Variants in CNGA1 observed in about 807,000 individuals in gnomAD.
CNGA1 encodes cyclic nucleotide gated channel subunit alpha 1.
CNGA1 carries 53 observed loss-of-function variants against 69.7 expected under a neutral mutation model. The ratio of observed to expected loss-of-function variants is 0.76; its 90% CI spans 0.61 to 0.96. The LOEUF (loss-of-function observed/expected upper bound fraction) is 0.96, where lower values mean the gene tolerates loss of function less well. CNGA1 is among the 40% of genes least tolerant of loss of function. CNGA1 has a pLI of 0.00. For missense variants in CNGA1, 739 were observed against 811.2 expected, an observed-to-expected ratio of 0.91 and a Z score of 1.08; for synonymous variants, 249 against 283.5, an observed-to-expected ratio of 0.88 and a Z score of 1.22.
intron 3 of CNGA1, among the ~76,000 whole-genome samples, chr4:47,975,076 A>C (rs1578102461): frequency 2.0e-5 from 3 of 152,360 alleles, no homozygotes; most frequent in East Asian, 3.9e-4. Context: ...GTTCAGAAAG[A>C]GAGAACCATC....
At chr4:48,009,464 CAAAAAAAA>C in intron 2 of CNGA1, among the ~76,000 whole-genome samples, 1 of 102,348 alleles carries the variant, frequency 9.8e-6, no homozygotes, top group South Asian at 3.4e-4. Context: ...GAGTCTGTCT[CAAAAAAAA>C]AAAAAAAAAG....
In CNGA1 at chr4:47,938,549, C is replaced by T. The variant is rs576116084; in HGVS notation, c.653-720G>A. 7.2e-5 allele frequency among the ~76,000 whole-genome samples: 11 copies of T among 152,146 alleles called. 1 individual carries two copies. Among genetic ancestry groups the T allele is most frequent in the African/African-American group, 2.4e-4 (10 of 41,528 alleles). On this transcript the variant is annotated intron_variant, in intron 10 of 10. Transcript: ENST00000514170. ...CTAGGACTACAGGCACGTGCCACCACGCCCAGCTAATTTTTGTATTTTTAG... is the reference window on the plus strand; with the variant it reads ...CTAGGACTACAGGCACGTGCCACCATGCCCAGCTAATTTTTGTATTTTTAG...
At chr4:48,002,368 C>T (rs752772302) in intron 2 of CNGA1, among the ~76,000 whole-genome samples, 4 of 152,114 alleles carry the variant, frequency 2.6e-5, no homozygotes, top group Non-Finnish European at 4.4e-5. Context: ...TTGCAAAAAG[C>T]CTCAAGCCCC....
intron 3 of CNGA1, among the ~76,000 whole-genome samples, chr4:47,977,320 G>C (rs1049707021): frequency 2.0e-5 from 3 of 152,138 alleles, no homozygotes; most frequent in Admixed American, 6.5e-5. Context: ...GACTATGGGA[G>C]GACAGAGCGA....
Position 47,936,544 on chromosome 4 carries a change from G to A in CNGA1, c.1938C>T (p.Ser646=), listed in dbSNP as rs1738650915. 1 of 1,614,016 alleles carries A rather than the reference G, an allele frequency of 6.2e-7. No homozygotes were observed. The change falls in exon 11 of 11, where the codon TCC becomes TCT. Residue 646 remains serine (S), a synonymous_variant. Coordinates refer to ENST00000514170, the MANE Select transcript of CNGA1 (RefSeq NM_001379270.1). ...ATCTTTGTTTCAGTTTCTGCTGCAT[G>A]GACTCATACTCAGCCAAGATTCGGG... ...RFARILAEYE[S]MQQKLKQRLT... is the part of the protein sequence containing the mutation.
chr4:48,014,799 G>C (rs1424492616), intron 1 of CNGA1, among the ~76,000 whole-genome samples: 2 of 152,174 alleles, frequency 1.3e-5, no homozygotes, highest in African/African-American at 4.8e-5. Flanking sequence ...AAGCACCATA[G>C]ATCACGTTTA....
intron 1 of CNGA1, among the ~76,000 whole-genome samples, chr4:48,011,846 C>T (rs956741791): frequency 6.6e-5 from 10 of 152,048 alleles, no homozygotes; most frequent in South Asian, 2.1e-4. Context: ...AGGGAATGTT[C>T]GGATTAAGAT....
chr4:47,961,292 A>G (rs79383684), intron 3 of CNGA1, among the ~76,000 whole-genome samples: 1,597 of 152,312 alleles, frequency 0.01, 27 homozygotes, highest in Non-Finnish European at 0.015. Context: ...CCTTCCATCA[A>G]GAAACACAGG....
At chr4:47,982,676 C>T (rs369528124) in intron 2 of CNGA1, among the ~76,000 whole-genome samples, 4 of 151,910 alleles carry the variant, frequency 2.6e-5, no homozygotes, top group African/African-American at 7.3e-5. Context: ...ATATTTATAT[C>T]GCTAAATATC....
intron 2 of CNGA1, among the ~76,000 whole-genome samples, chr4:48,007,543 C>T (rs775912462): frequency 1.1e-4 from 16 of 152,140 alleles, no homozygotes; most frequent in African/African-American, 2.9e-4. Flanking sequence ...TAATTGCTGT[C>T]GGTGTTTTAA....
At chr4:47,970,875 G>T (rs1560297939) in intron 3 of CNGA1, 2 of 453,514 alleles carry the variant, frequency 4.4e-6, no homozygotes, top group Non-Finnish European at 8.8e-6. Flanking sequence ...ACAGTATGAG[G>T]CCAAGTGTGG....
At chr4:47,971,766 C>T (rs1463057139) in intron 3 of CNGA1, among the ~76,000 whole-genome samples, 7 of 152,040 alleles carry the variant, frequency 4.6e-5, no homozygotes, top group Admixed American at 1.3e-4. Flanking sequence ...TGGTGGCATG[C>T]GCCTGTAGTC....
chr4:47,952,776 C>G, intron 3 of CNGA1, 73 bp from the exon 4 acceptor site: 1 of 1,175,542 alleles, frequency 8.5e-7, no homozygotes, highest in Non-Finnish European at 1.2e-6. Context: ...AAGTTTCACC[C>G]TATGTATTAG....
At chr4:47,962,107 AGGCCAAGGCGGGT>A (rs1740472936) in intron 3 of CNGA1, among the ~76,000 whole-genome samples, 1 of 152,164 alleles carries the variant, frequency 6.6e-6, no homozygotes, top group South Asian at 2.1e-4. Context: ...GAACTTTGGG[AGGCCAAGGCGGGT>A]GGATCACGAG....
At chr4:47,950,287 G>C (rs1739662965) in intron 5 of CNGA1, among the ~76,000 whole-genome samples, 1 of 152,118 alleles carries the variant, frequency 6.6e-6, no homozygotes, top group Admixed American at 6.5e-5. Flanking sequence ...AAGATCTGAT[G>C]GTTTTATAAA....
chr4:47,963,035 A>G (rs1300277892), intron 3 of CNGA1, among the ~76,000 whole-genome samples: 2 of 151,798 alleles, frequency 1.3e-5, no homozygotes, highest in African/African-American at 2.4e-5. Context: ...ATGGCTCACT[A>G]CAGCCTCAAA....
At chr4:47,996,057 G>A (rs1448514399) in intron 2 of CNGA1, among the ~76,000 whole-genome samples, 2 of 152,136 alleles carry the variant, frequency 1.3e-5, no homozygotes, top group Admixed American at 1.3e-4. Context: ...CCTGGGTCCT[G>A]AAGGAGCAAT....
intron 2 of CNGA1, among the ~76,000 whole-genome samples, chr4:47,984,340 C>T (rs1254565902): frequency 3.9e-5 from 6 of 151,966 alleles, no homozygotes; most frequent in East Asian, 1.9e-4. Context: ...CCTTGAGGCC[C>T]GGTGTGGTGG....
chr4:47,988,087 C>T (rs375582802), intron 2 of CNGA1, among the ~76,000 whole-genome samples: 67 of 152,118 alleles, frequency 4.4e-4, no homozygotes, highest in African/African-American at 1.4e-3. Context: ...GCGGTGAGAA[C>T]GGGTCAGATT....
Sources: gnomAD v4.1 joint callset for allele counts (sites outside exome capture counted in the v4.1 genomes callset) on GRCh38, gnomAD v4.1.1 for gene constraint, MANE v1.5 for transcripts, NCBI Gene and HGNC (gene_info 2026-07-23, HGNC 2026-07-21) for gene names.